Variants in RUSC1 observed in about 807,000 individuals in gnomAD.
RUSC1 encodes the protein AP-4 complex accessory subunit RUSC1.
RUSC1 carries 40 observed loss-of-function variants against 72.1 expected under a neutral mutation model. The observed-to-expected ratio is 0.55, with a 90% CI of 0.43 to 0.72. The LOEUF (loss-of-function observed/expected upper bound fraction) is 0.72. Among genes scored for constraint, RUSC1 ranks in the 30% least tolerant of loss-of-function variants. The pLI is 0.00. For missense variants in RUSC1, 1,092 were observed against 1,172.3 expected (o/e 0.93, Z 1.00); for synonymous variants, 512 against 494.2 (o/e 1.04, Z -0.48).
At chr1:155,327,184 T>G in intron 8 of RUSC1, 52 bp downstream of exon 8, 12 of 1,504,718 alleles carry the variant, frequency 8.0e-6, no homozygotes, top group African/African-American at 1.4e-5. Context: ...TCAGATCTCC[T>G]AGCGGCTTCA....
chr1:155,322,902 C>T lies in RUSC1; in HGVS notation c.1129C>T (p.Arg377Ter), dbSNP rs959802943. Residue 377 changes from arginine (R) to a stop codon, truncating the protein, a stop_gained, in exon 2 of 10, where the codon CGA becomes TGA. Coordinates refer to ENST00000368352, the MANE Select transcript of RUSC1 (RefSeq NM_001105203.2). LOFTEE classifies it high-confidence loss of function. ...CACCACCTTCAAGGAACTCCGGTCC[C>T]GAAGCCGGGCCCCAGCCCCGCCAGT... ...EVTTFKELRS[R>*]SRAPAPPVPP... 6.3e-7 allele frequency: 1 copy of T among 1,595,098 alleles called. No individual in the cohort carries two copies. Among genetic ancestry groups the T allele is most frequent in the Non-Finnish European group, 8.5e-7 (1 of 1,171,550 alleles).
chr1:155,325,458 C>T lies in RUSC1; in HGVS notation c.1676C>T (p.Pro559Leu). The change falls in exon 5 of 10, where the codon CCC (proline) becomes CTC (leucine). Residue 559 changes from proline to leucine, a missense_variant. Transcript: ENST00000368352. This position sits in a 1 kb window ranked among gnomAD's most constrained non-coding sequence, Gnocchi z 6.5. ...ATCACCGGGCAGCGCAGGAGCAGCC[C>T]CTGGAGCGTGGTGGAGGCGTCGGTG... ...DLITGQRRSS[P>L]WSVVEASVKP... is the part of the protein sequence containing the mutation. 1.3e-6 allele frequency: 2 copies of T among 1,593,246 alleles called. No homozygotes were observed. The highest frequency in any genetic ancestry group is 1.7e-6 in the Non-Finnish European group (2 of 1,173,470).
Position 155,326,561 on chromosome 1 carries a change from T to C in RUSC1, c.1862-19T>C, listed in dbSNP as rs1223197089. 4 of 1,588,802 alleles carry C rather than the reference T, an allele frequency of 2.5e-6. No homozygotes were observed. Among genetic ancestry groups the C allele is most frequent in the Non-Finnish European group, 3.4e-6 (4 of 1,165,620 alleles). ...ACTAGGTCCAGGGCAGGAGCTGATG[T>C]TGGCCTGCTCTTTTCCAGGCCTGCT... On this transcript the variant is annotated intron_variant, in intron 7 of 9. Transcript: ENST00000368352. The surrounding 1 kb of genome is among the most constrained non-coding windows in gnomAD (Gnocchi z 4.7).
chr1:155,325,629 AGCAGCC>A lies in RUSC1; in HGVS notation c.1773_1778del (p.Ser594_Arg595del). ...GGTCAGCCGTCTAGCCCCGCTGAGC[AGCAGCC>A]GTAGCCGCTTCCATGCCTTTATCCT... On this transcript the variant is annotated inframe_deletion, in exon 6 of 10. Coordinates refer to ENST00000368352, the MANE Select transcript of RUSC1 (RefSeq NM_001105203.2). The surrounding 1 kb of genome is among the most constrained non-coding windows in gnomAD (Gnocchi z 6.5). 6.2e-7 allele frequency: 1 copy of A among 1,613,344 alleles called. No individual in the cohort carries two copies.
rs1322365660 is a variant in RUSC1 at position 155,330,481 on chromosome 1, C to T, written c.2619C>T (p.Val873=). Residue 873 remains valine (V), a synonymous_variant, in exon 10 of 10, where the codon GTC becomes GTT. Transcript: ENST00000368352. ...LSFRRGEVLR[V]ITTVDEDWLR... Reference sequence around the variant, plus strand: ...TCCGGCGTGGGGAAGTGCTGCGTGTCATCACCACAGTGGATGAGGACTGGC... The same window carrying T: ...TCCGGCGTGGGGAAGTGCTGCGTGTTATCACCACAGTGGATGAGGACTGGC... 6 of 1,613,858 alleles carry T rather than the reference C, an allele frequency of 3.7e-6. No homozygotes were observed. Among genetic ancestry groups the T allele is most frequent in the East Asian group, 2.2e-5 (1 of 44,882 alleles).
chr1:155,324,341 G>A (rs1287062174), intron 2 of RUSC1: 6 of 1,597,298 alleles, frequency 3.8e-6, no homozygotes, highest in Non-Finnish European at 5.1e-6. Flanking sequence ...CCTTTCCGGC[G>A]CCTTCCAGCC....
rs1171835531 is a variant in RUSC1 at position 155,324,866 on chromosome 1, C to T, written c.1379C>T (p.Ala460Val). 1.2e-6 allele frequency: 2 copies of T among 1,614,240 alleles called. No individual in the cohort carries two copies. Among genetic ancestry groups the T allele is most frequent in the Admixed American group, 3.3e-5 (2 of 60,032 alleles). ...CCAGTCCGTAGTTCGTGGTCCTTCGCCGGTGTCCCCGGAGCCCAGCGGCTG... is the reference window on the plus strand; with the variant it reads ...CCAGTCCGTAGTTCGTGGTCCTTCGTCGGTGTCCCCGGAGCCCAGCGGCTG... ...GLEVRSSWSF[A>V]GVPGAQRLWM... The change falls in exon 3 of 10, where the codon GCC (alanine) becomes GTC (valine). Residue 460 changes from alanine (A) to valine (V), a missense_variant. Physicochemically the swap from Ala to Val is moderately conservative, Grantham distance 64 (BLOSUM62 0). Coordinates refer to ENST00000368352, the MANE Select transcript of RUSC1 (RefSeq NM_001105203.2).
In RUSC1 at chr1:155,320,899, AGTGCCCCTCCCCTCCCGCTCT is replaced by A. The variant is rs951216327; in HGVS notation, c.-171_-151del. 3.8e-6 allele frequency: 6 copies of A among 1,597,976 alleles called. No homozygotes were observed. In the African/African-American group the frequency reaches 8.1e-5, roughly 22 times the overall value. On this transcript the variant is annotated 5_prime_UTR_variant, in exon 1 of 10. Transcript: ENST00000368352. ...TGCGCAGCGCAGGGTAGGTTGTGCT[AGTGCCCCTCCCCTCCCGCTCT>A]GTGCCCCGCCGGGCGGGGACCGTGG...
At chr1:155,330,363 A>G in intron 9 of RUSC1, 40 bp from the exon 10 acceptor site, 1 of 1,609,846 alleles carries the variant, frequency 6.2e-7, no homozygotes, top group East Asian at 2.2e-5. Flanking sequence ...GGGCAGCCCC[A>G]CCTCACCTCA....
Position 155,322,813 on chromosome 1 carries a change from C to T in RUSC1, c.1040C>T (p.Ser347Leu), listed in dbSNP as rs756488918. The T allele has an allele frequency of 6.2e-7, 1 of 1,613,894 alleles. No homozygotes were observed. Among genetic ancestry groups the T allele is most frequent in the South Asian group, 1.1e-5 (1 of 91,078 alleles). ...KDRSDWLIVF[S>L]PDTELPPSGS... ...CGCAGTGACTGGCTCATAGTCTTCT[C>T]GCCCGACACCGAGCTCCCCCCCTCG... Residue 347 changes from serine to leucine, a missense_variant, in exon 2 of 10, where the codon TCG (serine) becomes TTG (leucine). Ser to Leu is a moderately radical substitution (Grantham distance 145). Transcript: ENST00000368352.
Position 155,325,005 on chromosome 1 carries a change from GCT to G in RUSC1, c.1456+66_1456+67del, listed in dbSNP as rs1195248370. The G allele has an allele frequency of 6.2e-7, 1 of 1,613,550 alleles. No homozygotes were observed. Among genetic ancestry groups the G allele is most frequent in the East Asian group, 2.2e-5 (1 of 44,876 alleles). Reference sequence around the variant, plus strand: ...TAAACTGCCCTTCGCCCCCGGCCCTGCTCTCAGGCTGTCCGAAGGCAGTCTCT... The same window carrying G: ...TAAACTGCCCTTCGCCCCCGGCCCTGCTCAGGCTGTCCGAAGGCAGTCTCT... On this transcript the variant is annotated intron_variant, in intron 3 of 9. Coordinates refer to ENST00000368352, the MANE Select transcript of RUSC1 (RefSeq NM_001105203.2). The surrounding 1 kb of genome is among the most constrained non-coding windows in gnomAD (Gnocchi z 6.5).
In RUSC1 at chr1:155,326,113, C is replaced by T; in HGVS notation, c.1861+203C>T. ...AAGCCTTGGCTGTCTGGCCTCTGCC[C>T]TCTTCCCCTGCCTTGGAGGGTCTTG... is the stretch of plus-strand genomic sequence containing the variant. On this transcript the variant is annotated intron_variant, in intron 7 of 9. Coordinates refer to ENST00000368352, the MANE Select transcript of RUSC1 (RefSeq NM_001105203.2). The surrounding 1 kb of genome is among the most constrained non-coding windows in gnomAD (Gnocchi z 4.7). The T allele has an allele frequency of 1.6e-6, 1 of 630,298 alleles. No individual in the cohort carries two copies. Among genetic ancestry groups the T allele is most frequent in the Non-Finnish European group, 2.8e-6 (1 of 361,152 alleles). The allele number at this position is 630,298 out of a possible 1,614,324, so 39.0% of individuals were successfully genotyped here.
chr1:155,326,480 G>T lies in RUSC1; in HGVS notation c.1862-100G>T. 2 of 1,227,498 alleles carry T rather than the reference G, an allele frequency of 1.6e-6. No individual in the cohort carries two copies. Among genetic ancestry groups the T allele is most frequent in the Non-Finnish European group, 2.3e-6 (2 of 880,232 alleles). 76.0% of individuals were successfully genotyped at this position (1,227,498 alleles called of 1,614,324 possible). On this transcript the variant is annotated intron_variant, in intron 7 of 9. Coordinates refer to ENST00000368352, the MANE Select transcript of RUSC1 (RefSeq NM_001105203.2). This position sits in a 1 kb window ranked among gnomAD's most constrained non-coding sequence, Gnocchi z 4.7. Reference sequence around the variant, plus strand: ...CCTCTCTGCCCCAGTGCCCAGCAGAGTGAGGCCTGGGAAGATGTGTGCTGA... The same window carrying T: ...CCTCTCTGCCCCAGTGCCCAGCAGATTGAGGCCTGGGAAGATGTGTGCTGA...
In RUSC1 at chr1:155,325,380, C is replaced by T. The variant is rs751376996; in HGVS notation, c.1598C>T (p.Pro533Leu). The T allele has an allele frequency of 1.9e-6, 3 of 1,594,158 alleles. No individual in the cohort carries two copies. Among genetic ancestry groups the T allele is most frequent in the Non-Finnish European group, 2.6e-6 (3 of 1,174,600 alleles). ...CACCTGGTGCTGACCACCCTCTGCC[C>T]GGCCCTCCACGCCCTGGTGGCGGAC... ...VGHLVLTTLC[P>L]ALHALVADGL... The change falls in exon 5 of 10, where the codon CCG becomes CTG. Residue 533 changes from proline to leucine, a missense_variant. Transcript: ENST00000368352. The surrounding 1 kb of genome is among the most constrained non-coding windows in gnomAD (Gnocchi z 6.5).
chr1:155,327,639 C>A (rs1446212776), intron 8 of RUSC1, among the ~76,000 whole-genome samples: 1 of 152,094 alleles, frequency 6.6e-6, no homozygotes, highest in Non-Finnish European at 1.5e-5. Context: ...CAGAAAAATA[C>A]AAAAATTAGC....
Position 155,321,892 on chromosome 1 carries a change from C to G in RUSC1, c.119C>G (p.Pro40Arg). 6.2e-7 allele frequency: 1 copy of G among 1,612,436 alleles called. No homozygotes were observed. The highest frequency in any genetic ancestry group is 8.5e-7 in the Non-Finnish European group (1 of 1,179,482). Residue 40 changes from proline to arginine, a missense_variant, in exon 2 of 10, where the codon CCC becomes CGC. By Grantham distance (103) the Pro-to-Arg change is moderately radical. Transcript: ENST00000368352. ...CTACAGGAGGGGCCTTTGAGCACAC[C>G]CCCTCCTCCAGGAGACACTGGGGGC... Reference protein sequence around the residue: ...PELQEGPLSTPPPPGDTGGKE... With the variant: ...PELQEGPLSTRPPPGDTGGKE...
Position 155,325,553 on chromosome 1 carries a change from C to G in RUSC1, c.1709-14C>G, listed in dbSNP as rs773746078. 7 of 1,608,160 alleles carry G rather than the reference C, an allele frequency of 4.4e-6. No homozygotes were observed. The highest frequency in any genetic ancestry group is 5.1e-6 in the Non-Finnish European group (6 of 1,179,736). Reference sequence around the variant, plus strand: ...GCAGGGCCGGGCTTGGCTGACTGCACCCCACGTTCTCAGGCTCCAGCACCC... The same window carrying G: ...GCAGGGCCGGGCTTGGCTGACTGCAGCCCACGTTCTCAGGCTCCAGCACCC... On this transcript the variant is annotated splice_polypyrimidine_tract_variant and intron_variant, in intron 5 of 9. Coordinates refer to ENST00000368352, the MANE Select transcript of RUSC1 (RefSeq NM_001105203.2). The surrounding 1 kb of genome is among the most constrained non-coding windows in gnomAD (Gnocchi z 6.5).
rs200517506 is a variant in RUSC1 at position 155,325,192 on chromosome 1, G to T, written c.1533+14G>T. The T allele has an allele frequency of 3.8e-4, 610 of 1,614,184 alleles. No individual in the cohort carries two copies. The highest frequency in any genetic ancestry group is 2.5e-3 in the Middle Eastern group (15 of 6,062). On this transcript the variant is annotated intron_variant, in intron 4 of 9. Transcript: ENST00000368352. The surrounding 1 kb of genome is among the most constrained non-coding windows in gnomAD (Gnocchi z 6.5). Reference sequence around the variant, plus strand: ...TTGGTGCAGAAGGTGAAGGTGGCTGGGGGGAGGCTGTTGGGATGAGGAGAG... The same window carrying T: ...TTGGTGCAGAAGGTGAAGGTGGCTGTGGGGAGGCTGTTGGGATGAGGAGAG...
chr1:155,330,787 C>T lies in RUSC1; in HGVS notation c.*216C>T, dbSNP rs1033162818. ...TCCAAATATATAAAAAAGGAATTGC[C>T]CTCCAGGTAATCCCTTTCCTTTTTC... On this transcript the variant is annotated 3_prime_UTR_variant, in exon 10 of 10. Transcript: ENST00000368352. The T allele has an allele frequency of 1.0e-5, 5 of 491,830 alleles. No homozygotes were observed. Among genetic ancestry groups the T allele is most frequent in the African/African-American group, 6.0e-5 (3 of 50,214 alleles). The allele number at this position is 491,830 out of a possible 1,614,324, so 30.5% of individuals were successfully genotyped here. A position where few individuals can be genotyped will look rare whatever the true frequency, so the allele number is the denominator to read the frequency against.
Sources: allele counts gnomAD v4.1 joint callset (sites outside exome capture counted in the v4.1 genomes callset), GRCh38; gene constraint gnomAD v4.1.1; non-coding constraint Gnocchi (gnomAD v3.1); transcripts MANE v1.5; gene names NCBI Gene and HGNC (gene_info 2026-07-23, HGNC 2026-07-21).